The following P2RY10 variants were observed in gnomAD, a reference collection of about 807,000 sequenced individuals.
The protein encoded by P2RY10 is P2Y receptor family member 10, also known as putative P2Y purinoceptor 10.
In P2RY10, 4 loss-of-function variants were observed where a neutral mutation model predicts 12.1. The ratio of observed to expected loss-of-function variants is 0.33; its 90% CI spans 0.16 to 0.76. P2RY10 has a LOEUF of 0.76. P2RY10 is among the 30% of genes least tolerant of loss of function. The pLI is 0.61. For missense variants in P2RY10, 233 were observed against 264.6 expected (o/e 0.88, Z 0.83); for synonymous variants, 112 against 94.1 (o/e 1.19, Z -1.10).
chrX:78,957,385 C>CAGAGAG (rs1281912666), intron 3 of P2RY10, among the ~76,000 whole-genome samples: 2 of 81,891 alleles, frequency 2.4e-5, no homozygotes, highest in African/African-American at 8.2e-5. Context: ...CACACACACA[C>CAGAGAG]ACAGAGAGAG....
At chrX:78,952,443 G>T (rs958825638) in intron 3 of P2RY10, 108 bp downstream of exon 3, 1 of 391,482 alleles carries the variant, frequency 2.6e-6, no homozygotes, top group African/African-American at 2.8e-5. Context: ...CTGAAGTGAG[G>T]TTGTGGGGAC....
At chrX:78,954,573 G>T (rs1922251411) in intron 3 of P2RY10, among the ~76,000 whole-genome samples, 2 of 111,685 alleles carry the variant, frequency 1.8e-5, no homozygotes, top group Admixed American at 9.5e-5. Context: ...CTTTATTTCT[G>T]CTTCCACAGA....
intron 2 of P2RY10, among the ~76,000 whole-genome samples, chrX:78,951,828 G>A (rs1178982490): frequency 9.0e-6 from 1 of 111,466 alleles, no homozygotes; most frequent in Non-Finnish European, 1.9e-5. Context: ...AGGTAAATGT[G>A]TGTCATGGTC....
rs188357040 is a variant in P2RY10, at chrX:78,962,410, A to G, written c.*870A>G. On this transcript the variant is annotated 3_prime_UTR_variant, in exon 4 of 4. Transcript: ENST00000171757. ...ATTTGCCTCAGGATCAACAGTGGTTAGCCAAAATTGGTCCAGTATAATACA... is the reference window on the plus strand; with the variant it reads ...ATTTGCCTCAGGATCAACAGTGGTTGGCCAAAATTGGTCCAGTATAATACA... Among the ~76,000 whole-genome samples the G allele has an allele frequency of 8.0e-5, 9 of 112,345 alleles. No individual in the cohort carries two copies. In the East Asian group the frequency reaches 1.1e-3, roughly 14 times the overall value.
At position 78,960,961 on chromosome X, in the gene P2RY10, G is replaced by A. The variant is rs772223229; in HGVS notation, c.441G>A (p.Arg147=). The A allele has an allele frequency of 1.7e-6, 2 of 1,211,449 alleles. No individual in the cohort carries two copies. The highest frequency in any genetic ancestry group is 2.2e-6 in the Non-Finnish European group (2 of 895,155). The change falls in exon 4 of 4, where the codon AGG becomes AGA. Residue 147 remains arginine (R), a synonymous_variant. Transcript: ENST00000171757. The part of the protein sequence containing the change: ...KPFRARDWKR[R]YDVGISAAIW... ...TCAGGGCCAGAGACTGGAAGCGTAGGTACGATGTGGGCATCAGTGCTGCCA... is the reference window on the plus strand; with the variant it reads ...TCAGGGCCAGAGACTGGAAGCGTAGATACGATGTGGGCATCAGTGCTGCCA...
At chrX:78,956,220 G>A (rs770502114) in intron 3 of P2RY10, among the ~76,000 whole-genome samples, 31 of 111,559 alleles carry the variant, frequency 2.8e-4, no homozygotes, top group Non-Finnish European at 4.9e-4. Flanking sequence ...GACCACCTGT[G>A]ATTTCTAAAT....
intron 3 of P2RY10, among the ~76,000 whole-genome samples, chrX:78,954,795 A>G (rs1922259779): frequency 8.9e-6 from 1 of 112,195 alleles, no homozygotes; most frequent in Non-Finnish European, 1.9e-5. Context: ...CAAACTGTTA[A>G]GATTCAGATG....
chrX:78,961,045 AAAC>A lies in P2RY10; in HGVS notation c.534_536del (p.Asn178del), dbSNP rs758504199. 32 of 1,209,937 alleles carry A rather than the reference AAAC, an allele frequency of 2.6e-5. No individual in the cohort carries two copies. Among genetic ancestry groups the A allele is most frequent in the African/African-American group, 1.2e-4 (7 of 57,193 alleles). ...TTCCCATCCTGAGAAGCACAGACTT[AAAC>A]AACAACAAGTCCTGCTTTGCTGATC... On this transcript the variant is annotated inframe_deletion, in exon 4 of 4. Coordinates refer to ENST00000171757, the MANE Select transcript of P2RY10 (RefSeq NM_014499.4).
rs761885786 is a variant in P2RY10 at position 78,950,112 on chromosome X, G to T, written c.-156-2081G>T. Among the ~76,000 whole-genome samples the T allele has an allele frequency of 2.5e-4, 28 of 111,568 alleles. No homozygotes were observed. The South Asian group carries it at 0.01, about 40-fold the overall frequency. ...ACAGGCTTCAGCATCAAATAAAATG[G>T]AGAAGTAAATTTGATAAACATGTTT... On this transcript the variant is annotated intron_variant, in intron 2 of 3. Transcript: ENST00000171757.
chrX:78,958,134 G>GGT (rs1295711753), intron 3 of P2RY10, among the ~76,000 whole-genome samples: 1 of 112,385 alleles, frequency 8.9e-6, no homozygotes, highest in East Asian at 2.8e-4. Flanking sequence ...AGTAGGGACA[G>GGT]GTGTTTACTT....
rs746882528 is a variant in P2RY10, at chrX:78,960,535, C to A, written c.15C>A (p.Asp5Glu). 8.3e-7 allele frequency: 1 copy of A among 1,207,664 alleles called. No homozygotes were observed. The highest frequency in any genetic ancestry group is 3.0e-5 in the East Asian group (1 of 33,753). The change falls in exon 4 of 4, where the codon GAC becomes GAA. Residue 5 changes from aspartate (D) to glutamate (E), a missense_variant. By Grantham distance (45) the Asp-to-Glu change is conservative. Transcript: ENST00000171757. Reference sequence around the variant, plus strand: ...ACCATAAATCCATGGCTAACCTTGACAAATACACTGAAACATTCAAGATGG... The same window carrying A: ...ACCATAAATCCATGGCTAACCTTGAAAAATACACTGAAACATTCAAGATGG... MANLDKYTETFKMGS... is the reference protein window; with the variant it reads MANLEKYTETFKMGS...
rs114695234 is a variant in P2RY10, at chrX:78,960,473, C to T, written c.-13-35C>T. The stretch of plus-strand genomic sequence containing the variant: ...AGGTGTTAACTAAAGAACTAATTAA[C>T]CATTTTACTCTTTATTTTGTTTTAC... On this transcript the variant is annotated intron_variant, in intron 3 of 3. Transcript: ENST00000171757. 1.3e-3 allele frequency: 1,428 copies of T among 1,085,675 alleles called. 13 individuals carry two copies. The African/African-American group carries it at 0.023, about 18-fold the overall frequency. The allele number at this position is 1,085,675 out of a possible 1,213,427, so 89.5% of individuals were successfully genotyped here.
chrX:78,959,847 T>C (rs1480007753), intron 3 of P2RY10, among the ~76,000 whole-genome samples: 2 of 112,071 alleles, frequency 1.8e-5, no homozygotes, highest in Non-Finnish European at 3.8e-5. Context: ...ATTCATGTAT[T>C]ATTAAAGCTT....
In P2RY10 at chrX:78,947,868, G is replaced by A; in HGVS notation, c.-157+5G>A. 1.5e-6 allele frequency: 1 copy of A among 679,159 alleles called. No individual in the cohort carries two copies. Among genetic ancestry groups the A allele is most frequent in the Non-Finnish European group, 1.8e-6 (1 of 570,551 alleles). The allele number at this position is 679,159 out of a possible 1,213,427, so 56.0% of individuals were successfully genotyped here. On this transcript the variant is annotated splice_donor_5th_base_variant and intron_variant, in intron 2 of 3. Coordinates refer to ENST00000171757, the MANE Select transcript of P2RY10 (RefSeq NM_014499.4). ...TAGACCACAGGCAAATGCTTTGTAA[G>A]TAATTTCCCTTTTTTAAAAATGAGA...
At chrX:78,951,571 C>A (rs758573467) in intron 2 of P2RY10, among the ~76,000 whole-genome samples, 1 of 110,532 alleles carries the variant, frequency 9.0e-6, no homozygotes, top group Admixed American at 9.7e-5. Flanking sequence ...AGTAGGGTTG[C>A]CCGATGTAAG....
Position 78,962,869 on chromosome X carries a change from T to C in P2RY10, c.*1329T>C, listed in dbSNP as rs759824638. ...TAAGCTCACTTTTCCTAAATATAGC[T>C]ATATAATATTGTAAACAAATTTGTT... On this transcript the variant is annotated 3_prime_UTR_variant, in exon 4 of 4. Transcript: ENST00000171757. Among the ~76,000 whole-genome samples the C allele has an allele frequency of 8.9e-6, 1 of 112,187 alleles. No homozygotes were observed. Among genetic ancestry groups the C allele is most frequent in the Non-Finnish European group, 1.9e-5 (1 of 53,237 alleles).
intron 3 of P2RY10, among the ~76,000 whole-genome samples, chrX:78,957,670 G>T (rs764151931): frequency 8.8e-4 from 98 of 111,517 alleles, no homozygotes; most frequent in African/African-American, 3.1e-3. Context: ...GGGAAAAAAA[G>T]CCCTTCTTAC....
At chrX:78,954,625 G>A (rs149786417) in intron 3 of P2RY10, among the ~76,000 whole-genome samples, 416 of 111,637 alleles carry the variant, frequency 3.7e-3, no homozygotes, top group African/African-American at 0.013. Flanking sequence ...TCTGAAATCC[G>A]TTATGGTTAG....
At chrX:78,957,680 C>A (rs183399893) in intron 3 of P2RY10, among the ~76,000 whole-genome samples, 35 of 111,635 alleles carry the variant, frequency 3.1e-4, no homozygotes, top group Admixed American at 1.7e-3. Flanking sequence ...GCCCTTCTTA[C>A]CTTCCCTTCA....
Sources: gnomAD v4.1 joint callset for allele counts (sites outside exome capture counted in the v4.1 genomes callset) on GRCh38, gnomAD v4.1.1 for gene constraint, MANE v1.5 for transcripts, NCBI Gene and HGNC (gene_info 2026-07-23, HGNC 2026-07-21) for gene names.